The following SPEF2 variants were observed in gnomAD, a reference collection of about 807,000 sequenced individuals.
SPEF2 encodes sperm flagella and cilia-associated protein 2.
Under a neutral mutation model 224.6 loss-of-function variants are expected in SPEF2, and 187 were observed. The observed-to-expected ratio is 0.83, with a 90% CI of 0.74 to 0.94. SPEF2 has a LOEUF of 0.94. SPEF2 is among the 40% of genes least tolerant of loss of function. The pLI is 0.00. For missense variants in SPEF2, 2,170 were observed against 2,135.6 expected (o/e 1.02, Z -0.32); for synonymous variants, 715 against 707.3 (o/e 1.01, Z -0.17).
At chr5:35,727,566 G>C (rs1744878339) in intron 20 of SPEF2, 109 bp from the exon 21 acceptor site, 3 of 880,078 alleles carry the variant, frequency 3.4e-6, no homozygotes, top group Non-Finnish European at 1.7e-6. Context: ...AGCTTAAAAA[G>C]TAGTTAATGA....
At position 35,659,057 on chromosome 5, in the gene SPEF2, G is replaced by T. The variant is rs753338629; in HGVS notation, c.1017G>T (p.Met339Ile). 2 of 1,588,788 alleles carry T rather than the reference G, an allele frequency of 1.3e-6. No homozygotes were observed. Among genetic ancestry groups the T allele is most frequent in the Non-Finnish European group, 1.7e-6 (2 of 1,163,928 alleles). Reference protein sequence around the residue: ...YREEQLINRLMRQSQQERRIA... With the variant: ...YREEQLINRLIRQSQQERRIA... Reference sequence around the variant, plus strand: ...AGGAACAGCTGATTAACCGGCTGATGCGGCAGTCCCAGCAGGAGCGCAGGA... The same window carrying T: ...AGGAACAGCTGATTAACCGGCTGATTCGGCAGTCCCAGCAGGAGCGCAGGA... The change falls in exon 8 of 37, where the codon ATG (methionine) becomes ATT (isoleucine). Residue 339 changes from methionine to isoleucine, a missense_variant. Physicochemically the swap from Met to Ile is conservative, Grantham distance 10. Transcript: ENST00000356031.
intron 26 of SPEF2, among the ~76,000 whole-genome samples, chr5:35,765,704 G>A (rs1751998074): frequency 6.6e-6 from 1 of 151,992 alleles, no homozygotes; most frequent in Non-Finnish European, 1.5e-5. Context: ...GAACATTTTG[G>A]ATTTTCATAA....
intron 36 of SPEF2, chr5:35,807,947 T>C (rs1012454571): frequency 7.2e-7 from 1 of 1,389,330 alleles, no homozygotes; most frequent in African/African-American, 1.4e-5. Flanking sequence ...GATACCAGTT[T>C]AACACGAAGT....
At chr5:35,686,370 GAAT>G (rs1171234641) in intron 10 of SPEF2, among the ~76,000 whole-genome samples, 1 of 151,900 alleles carries the variant, frequency 6.6e-6, no homozygotes, top group Admixed American at 6.6e-5. Flanking sequence ...AGTGCAAATG[GAAT>G]AATATCTAGG....
chr5:35,713,743 ATATATTTTATATATATTTTATATATAG>A (rs1741711076), intron 20 of SPEF2, among the ~76,000 whole-genome samples: 1 of 35,204 alleles, frequency 2.8e-5, no homozygotes, highest in Non-Finnish European at 6.9e-5. Context: ...AAATATATAT[ATATATTTTATATATATTTTATATATAG>A]TATATATATT....
chr5:35,719,985 A>C (rs1427246613), intron 20 of SPEF2, among the ~76,000 whole-genome samples: 4 of 152,188 alleles, frequency 2.6e-5, no homozygotes, highest in Admixed American at 6.5e-5. Context: ...AGACGAAGGT[A>C]TGAGCCTTTT....
At chr5:35,704,131 A>G (rs1739262135) in intron 16 of SPEF2, among the ~76,000 whole-genome samples, 2 of 152,292 alleles carry the variant, frequency 1.3e-5, no homozygotes, top group South Asian at 4.1e-4. Flanking sequence ...AGAAAGAAAC[A>G]ATAATTTTAT....
At chr5:35,685,505 T>C (rs1193736324) in intron 10 of SPEF2, among the ~76,000 whole-genome samples, 1 of 152,106 alleles carries the variant, frequency 6.6e-6, no homozygotes, top group Non-Finnish European at 1.5e-5. Context: ...TATAGAAATA[T>C]TGTCAAAAGT....
At chr5:35,709,925 C>T (rs1451926328) in intron 19 of SPEF2, 7 of 985,086 alleles carry the variant, frequency 7.1e-6, no homozygotes, top group Non-Finnish European at 8.4e-6. Context: ...ATCTTTGATA[C>T]TGTGTCATGA....
chr5:35,804,152 G>T (rs1433319912), intron 34 of SPEF2, among the ~76,000 whole-genome samples: 1 of 152,176 alleles, frequency 6.6e-6, no homozygotes, highest in Admixed American at 6.5e-5. Flanking sequence ...TTGAGGCTTT[G>T]CCCACATTAA....
At chr5:35,727,927 A>G in intron 21 of SPEF2, 104 bp downstream of exon 21, 3 of 1,203,402 alleles carry the variant, frequency 2.5e-6, no homozygotes, top group Non-Finnish European at 3.5e-6. Context: ...TACAGCAGGT[A>G]ATATATATCT....
intron 16 of SPEF2, chr5:35,702,286 G>A (rs1010566964): frequency 6.6e-6 from 3 of 456,068 alleles, no homozygotes; most frequent in Non-Finnish European, 1.3e-5. Flanking sequence ...CCAAAGCCAC[G>A]TGGGCTACAA....
At chr5:35,746,804 C>T (rs1451661735) in intron 23 of SPEF2, among the ~76,000 whole-genome samples, 5 of 152,050 alleles carry the variant, frequency 3.3e-5, no homozygotes, top group South Asian at 2.1e-4. Flanking sequence ...AACATTCAAA[C>T]ACAAGAAGTA....
rs776606635 is a variant in SPEF2, at chr5:35,617,975, C to A, written c.-23C>A. The A allele has an allele frequency of 2.6e-6, 4 of 1,567,014 alleles. No individual in the cohort carries two copies. The South Asian group carries it at 4.7e-5, about 18-fold the overall frequency. On this transcript the variant is annotated 5_prime_UTR_variant, in exon 1 of 37. Transcript: ENST00000356031. ...TGGCGAGTTTCTAAGCCCCCGCCTGCGGTCTGAGGCACCGGCTGAACCATG... is the reference window on the plus strand; with the variant it reads ...TGGCGAGTTTCTAAGCCCCCGCCTGAGGTCTGAGGCACCGGCTGAACCATG...
Position 35,761,495 on chromosome 5 carries a change from C to T in SPEF2, c.3620+1776C>T, listed in dbSNP as rs78299736. Among the ~76,000 whole-genome samples the T allele has an allele frequency of 9.7e-3, 1,476 of 152,228 alleles. 27 individuals carry two copies. Among genetic ancestry groups the T allele is most frequent in the African/African-American group, 0.033 (1,360 of 41,540 alleles). On this transcript the variant is annotated intron_variant, in intron 25 of 36. Transcript: ENST00000356031. Reference sequence around the variant, plus strand: ...AAAAGAATTTGAGATGGCCTGAACACATTATTTTATGCAGCGATCCAAAGC... The same window carrying T: ...AAAAGAATTTGAGATGGCCTGAACATATTATTTTATGCAGCGATCCAAAGC...
At chr5:35,705,141 G>A (rs1739492567) in intron 17 of SPEF2, among the ~76,000 whole-genome samples, 1 of 152,012 alleles carries the variant, frequency 6.6e-6, no homozygotes, top group Admixed American at 6.6e-5. Flanking sequence ...ATGAACCAGG[G>A]AAGAGTAATT....
At chr5:35,659,280 G>C (rs1308592700) in intron 8 of SPEF2, 73 bp downstream of exon 8, 1 of 1,395,110 alleles carries the variant, frequency 7.2e-7, no homozygotes, top group East Asian at 2.4e-5. Flanking sequence ...GGTAAACAAA[G>C]CTATATTTTG....
At chr5:35,801,828 T>C (rs1215858772) in intron 34 of SPEF2, among the ~76,000 whole-genome samples, 1 of 152,206 alleles carries the variant, frequency 6.6e-6, no homozygotes, top group Non-Finnish European at 1.5e-5. Flanking sequence ...CTAAGCACCC[T>C]GTGGACCAGG....
intron 20 of SPEF2, among the ~76,000 whole-genome samples, chr5:35,718,267 C>CGAAA (rs1313969249): frequency 2.6e-5 from 4 of 152,086 alleles, no homozygotes; most frequent in Non-Finnish European, 5.9e-5. Flanking sequence ...TAAACTCTTT[C>CGAAA]AAGTTTGGAG....
Sources: gnomAD v4.1 joint callset for allele counts (sites outside exome capture counted in the v4.1 genomes callset) on GRCh38, gnomAD v4.1.1 for gene constraint, MANE v1.5 for transcripts, NCBI Gene and HGNC (gene_info 2026-07-23, HGNC 2026-07-21) for gene names.